ASIC2: variants seen among roughly 807,000 people sequenced by gnomAD.
ASIC2 encodes the protein acid-sensing ion channel 2.
Under a neutral mutation model 57.3 loss-of-function variants are expected in ASIC2, and 25 were observed. The observed-to-expected ratio is 0.44, with a 90% CI of 0.32 to 0.61. The LOEUF (loss-of-function observed/expected upper bound fraction) is 0.61. Ranked by LOEUF, ASIC2 falls within the 20% of genes least tolerant of loss-of-function variation. ASIC2 has a pLI of 0.06. For missense variants in ASIC2, 641 were observed against 738.1 expected, an observed-to-expected ratio of 0.87 and a Z score of 1.52; for synonymous variants, 319 against 307.5, an observed-to-expected ratio of 1.04 and a Z score of -0.39.
upstream of ASIC2, among the ~76,000 whole-genome samples, chr17:33,294,690 A>G (rs1405389649): frequency 6.6e-6 from 1 of 152,112 alleles, no homozygotes; most frequent in Non-Finnish European, 1.5e-5. Context: ...TATACACTTA[A>G]ATGCATATAT....
intron 1 of ASIC2, among the ~76,000 whole-genome samples, chr17:33,430,743 T>C (rs1911383211): frequency 6.6e-6 from 1 of 152,210 alleles, no homozygotes; most frequent in Non-Finnish European, 1.5e-5. Context: ...TGGAAAATAG[T>C]TGGCAGTTCA....
intron 1 of ASIC2, among the ~76,000 whole-genome samples, chr17:34,082,811 C>T (rs75859943): frequency 0.011 from 1,660 of 152,328 alleles, 35 homozygotes; most frequent in South Asian, 0.09. Flanking sequence ...GTCCAGGTCA[C>T]CGTGATGGTA....
At chr17:33,224,693 C>A (rs1907814133) in intron 1 of ASIC2, among the ~76,000 whole-genome samples, 1 of 152,152 alleles carries the variant, frequency 6.6e-6, no homozygotes, top group Admixed American at 6.5e-5. Flanking sequence ...ACACCTTGTT[C>A]CATTTAATCC....
intron 1 of ASIC2, among the ~76,000 whole-genome samples, chr17:34,129,390 G>T (rs1911886808): frequency 6.6e-6 from 1 of 152,158 alleles, no homozygotes; most frequent in African/African-American, 2.4e-5. Flanking sequence ...TAAAATGTAA[G>T]AATTCTGGGG....
intron 1 of ASIC2, among the ~76,000 whole-genome samples, chr17:33,546,042 G>A (rs1276014542): frequency 6.6e-6 from 1 of 151,898 alleles, no homozygotes; most frequent in Non-Finnish European, 1.5e-5. Flanking sequence ...TCATAGAAAT[G>A]AAGCATAATG....
intron 1 of ASIC2, among the ~76,000 whole-genome samples, chr17:33,309,420 T>G (rs2142202983): frequency 6.6e-6 from 1 of 152,316 alleles, no homozygotes; most frequent in Non-Finnish European, 1.5e-5. Context: ...TGCACTAAAG[T>G]GCTGCCCAAG....
At chr17:33,443,431 T>TTTTTTTTTTTTTTATG (rs869250934) in intron 1 of ASIC2, among the ~76,000 whole-genome samples, 1 of 134,316 alleles carries the variant, frequency 7.4e-6, no homozygotes. Flanking sequence ...TTTTTTTTTT[T>TTTTTTTTTTTTTTATG]GAGACGGAGT....
chr17:33,920,878 C>T (rs1419383224), intron 1 of ASIC2, among the ~76,000 whole-genome samples: 1 of 152,150 alleles, frequency 6.6e-6, no homozygotes, highest in African/African-American at 2.4e-5. Context: ...TTTCACCTTG[C>T]ATGTTTCCAG....
intron 1 of ASIC2, among the ~76,000 whole-genome samples, chr17:33,333,535 G>C (rs185074376): frequency 3.2e-4 from 48 of 152,320 alleles, no homozygotes; most frequent in Admixed American, 3.0e-3. Flanking sequence ...ATAACAGCAA[G>C]AGAATACACC....
chr17:34,098,045 G>A (rs1173054579), intron 1 of ASIC2, among the ~76,000 whole-genome samples: 1 of 152,164 alleles, frequency 6.6e-6, no homozygotes, highest in Non-Finnish European at 1.5e-5. Context: ...CATTGCTTTT[G>A]TCCCCAAGAG....
At chr17:33,450,760 T>C (rs552337746) in intron 1 of ASIC2, among the ~76,000 whole-genome samples, 1 of 152,232 alleles carries the variant, frequency 6.6e-6, no homozygotes, top group South Asian at 2.1e-4. Flanking sequence ...TGGGGAGTAA[T>C]TGTGTCTAGA....
intron 1 of ASIC2, among the ~76,000 whole-genome samples, chr17:33,343,896 C>T (rs1024905175): frequency 8.5e-5 from 13 of 152,328 alleles, no homozygotes; most frequent in African/African-American, 2.2e-4. Context: ...TGTGCCTTTG[C>T]CCAGACTTTG....
intron 1 of ASIC2, among the ~76,000 whole-genome samples, chr17:33,324,246 G>T (rs1906978325): frequency 6.6e-6 from 1 of 152,158 alleles, no homozygotes; most frequent in South Asian, 2.1e-4. Flanking sequence ...GGCCTTTGCA[G>T]TGGATGTTAC....
rs529309371 is a variant in ASIC2, at chr17:33,148,881, G to A, written c.709-36814C>T. Among the ~76,000 whole-genome samples, 3 of 152,262 alleles carry A rather than the reference G, an allele frequency of 2.0e-5. No individual in the cohort carries two copies. The East Asian group carries it at 5.8e-4, about 29-fold the overall frequency. Reference sequence around the variant, plus strand: ...GGCCAAGGCAGGCGGATCATCTGAGGTCAGGAGTTCAAGACCAGCCTGGCC... The same window carrying A: ...GGCCAAGGCAGGCGGATCATCTGAGATCAGGAGTTCAAGACCAGCCTGGCC... On this transcript the variant is annotated intron_variant, in intron 1 of 9. Transcript: ENST00000225823.
At position 33,327,223 on chromosome 17, in the gene ASIC2, T is replaced by A. The variant is rs577401769; in HGVS notation, c.556-215156A>T. ...TCCTTCCTTTCCAATTATCTTCCCA[T>A]TTCTTCAAGGCCCCACTCAAGTCTT... On this transcript the variant is annotated intron_variant, in intron 1 of 9. Transcript: ENST00000359872. Among the ~76,000 whole-genome samples the A allele has an allele frequency of 3.3e-5, 5 of 152,336 alleles. No homozygotes were observed. The South Asian group carries it at 1.0e-3, about 32-fold the overall frequency.
chr17:33,814,357 G>A (rs910660754), intron 1 of ASIC2, among the ~76,000 whole-genome samples: 2 of 152,204 alleles, frequency 1.3e-5, no homozygotes, highest in African/African-American at 4.8e-5. Flanking sequence ...ATGTGTGCGT[G>A]TGTATGTGTC....
At chr17:33,813,439 G>C (rs1912484209) in intron 1 of ASIC2, among the ~76,000 whole-genome samples, 1 of 152,088 alleles carries the variant, frequency 6.6e-6, no homozygotes, top group Non-Finnish European at 1.5e-5. Flanking sequence ...TTTTGTTTTT[G>C]ATTTTTGTTT....
At chr17:33,093,060 G>A (rs1161934439) in intron 2 of ASIC2, among the ~76,000 whole-genome samples, 1 of 152,112 alleles carries the variant, frequency 6.6e-6, no homozygotes, top group African/African-American at 2.4e-5. Context: ...CAACAACACG[G>A]CAACAATAAC....
intron 1 of ASIC2, among the ~76,000 whole-genome samples, chr17:33,456,537 T>G (rs1782441016): frequency 6.6e-6 from 1 of 152,230 alleles, no homozygotes; most frequent in Non-Finnish European, 1.5e-5. Flanking sequence ...ATCTTTCTGA[T>G]GGCATGTCTT....
Sources: allele counts gnomAD v4.1 joint callset (sites outside exome capture counted in the v4.1 genomes callset), GRCh38; gene constraint gnomAD v4.1.1; transcripts MANE v1.5; gene names NCBI Gene and HGNC (gene_info 2026-07-23, HGNC 2026-07-21).